Variants in TCF4 observed in about 807,000 individuals in gnomAD.
The protein encoded by TCF4 is transcription factor 4.
Under a neutral mutation model 82.1 loss-of-function variants are expected in TCF4, and 3 were observed. The ratio of observed to expected loss-of-function variants is 0.04; its 90% CI spans 0.02 to 0.09. The LOEUF (loss-of-function observed/expected upper bound fraction) is 0.09. TCF4 is among the 10% of genes least tolerant of loss of function. The pLI, the probability that TCF4 is intolerant of heterozygous loss-of-function variation, is 1.00. For synonymous variants in TCF4, 276 were observed against 309.6 expected (o/e 0.89, Z 1.14); for missense variants, 518 against 852.7 (o/e 0.61, Z 4.89).
At chr18:55,579,719 C>T (rs1210694786) in intron 3 of TCF4, among the ~76,000 whole-genome samples, 1 of 151,920 alleles carries the variant, frequency 6.6e-6, no homozygotes, top group African/African-American at 2.4e-5. Flanking sequence ...AATCACAGGC[C>T]TGGGGCCACC....
chr18:55,470,443 T>A (rs769156100), intron 3 of TCF4, among the ~76,000 whole-genome samples: 18 of 152,208 alleles, frequency 1.2e-4, no homozygotes, highest in Non-Finnish European at 2.4e-4. Flanking sequence ...TCAGTAAGCA[T>A]TAGATTTATT....
chr18:55,585,690 G>T, intron 2 of TCF4: 1 of 974,356 alleles, frequency 1.0e-6, no homozygotes, highest in Non-Finnish European at 1.3e-6. Context: ...TCACCAAGGA[G>T]AAGAAAAAAG....
chr18:55,596,829 TA>T (rs35096415), intron 2 of TCF4, among the ~76,000 whole-genome samples: 37 of 149,132 alleles, frequency 2.5e-4, no homozygotes, highest in South Asian at 8.6e-4. Flanking sequence ...TAGGTTATCA[TA>T]AAAAAAAAAG....
intron 15 of TCF4, among the ~76,000 whole-genome samples, chr18:55,238,151 T>C (rs780445420): frequency 1.3e-5 from 2 of 152,228 alleles, no homozygotes; most frequent in Non-Finnish European, 2.9e-5. Flanking sequence ...TGACATTTCG[T>C]CCCTATTTTT....
chr18:55,625,722 G>A (rs1330846910), intron 2 of TCF4, among the ~76,000 whole-genome samples: 1 of 152,030 alleles, frequency 6.6e-6, no homozygotes, highest in African/African-American at 2.4e-5. Flanking sequence ...CTTTTGTTTT[G>A]CTATCATTGT....
At chr18:55,347,130 G>C (rs150222706) in intron 8 of TCF4, among the ~76,000 whole-genome samples, 3,642 of 152,202 alleles carry the variant, frequency 0.024, 68 homozygotes, top group Non-Finnish European at 0.035. Context: ...GTAGATTCAA[G>C]AGCTTAGACA....
At chr18:55,402,274 A>G in intron 6 of TCF4, 1 of 970,276 alleles carries the variant, frequency 1.0e-6, no homozygotes, top group Non-Finnish European at 1.2e-6. Flanking sequence ...GAAAAAACAA[A>G]CACACCAACC....
chr18:55,337,075 C>T (rs1426184264), intron 8 of TCF4, among the ~76,000 whole-genome samples: 1 of 151,996 alleles, frequency 6.6e-6, no homozygotes, highest in Non-Finnish European at 1.5e-5. Context: ...TCCCCAGAAC[C>T]TGTTGCATTA....
intron 3 of TCF4, among the ~76,000 whole-genome samples, chr18:55,471,958 A>ATAG (rs2096193673): frequency 6.6e-6 from 1 of 152,170 alleles, no homozygotes; most frequent in African/African-American, 2.4e-5. Context: ...AAGGGTAGAT[A>ATAG]TGCTGGTGAG....
At chr18:55,588,515 T>C (rs1048130939), upstream of TCF4, 5 of 1,534,650 alleles carry the variant, frequency 3.3e-6, no homozygotes, top group Non-Finnish European at 4.4e-6. Context: ...GCCTGAACAG[T>C]TCAGTTTTTG....
intron 3 of TCF4, chr18:55,495,487 A>C (rs2096624910): frequency 6.6e-6 from 1 of 152,166 alleles, no homozygotes; most frequent in African/African-American, 2.4e-5. Context: ...TAATTATGAG[A>C]GTTGTTCAGC....
chr18:55,391,527 G>A (rs1347360348), intron 6 of TCF4, among the ~76,000 whole-genome samples: 1 of 151,994 alleles, frequency 6.6e-6, no homozygotes, highest in Non-Finnish European at 1.5e-5. Flanking sequence ...CCAGCAGTGG[G>A]GCACAAAATA....
rs1046180248 is a variant in TCF4 at position 55,426,114 on chromosome 18, TATATAC to T, written c.305-22602_305-22597del. On this transcript the variant is annotated intron_variant, in intron 5 of 19. Transcript: ENST00000354452. ...ACAAAAAATTTTATATATATATATA[TATATAC>T]ACACACACACACACATATATTTTCA... Among the ~76,000 whole-genome samples the T allele has an allele frequency of 4.1e-4, 54 of 130,744 alleles. 1 individual carries two copies. The highest frequency in any genetic ancestry group is 1.1e-3 in the African/African-American group (40 of 36,012). The allele number at this position is 130,744 out of a possible 152,430, so 85.8% of individuals were successfully genotyped here.
intron 8 of TCF4, 149 bp downstream of exon 8, chr18:55,350,210 T>C: frequency 1.3e-6 from 1 of 785,296 alleles, no homozygotes; most frequent in East Asian, 2.7e-5. Flanking sequence ...GTCAGGTGGC[T>C]GGATGTGCAG....
At chr18:55,624,080 G>A (rs974419453) in intron 2 of TCF4, among the ~76,000 whole-genome samples, 2 of 152,162 alleles carry the variant, frequency 1.3e-5, no homozygotes, top group African/African-American at 2.4e-5. Flanking sequence ...CTTTCATCAG[G>A]TAACTTAGAC....
At chr18:55,351,885 A>G in intron 6 of TCF4, 3 of 885,264 alleles carry the variant, frequency 3.4e-6, no homozygotes, top group Non-Finnish European at 4.1e-6. Flanking sequence ...AGTAGATAGT[A>G]CCATTTATAT....
At chr18:55,322,442 A>G (rs1411198928) in intron 8 of TCF4, 1 of 1,008,462 alleles carries the variant, frequency 9.9e-7, no homozygotes, top group Non-Finnish European at 1.2e-6. Flanking sequence ...AAAAAAAAAA[A>G]AAAAAAAACA....
At chr18:55,296,941 A>T (rs1601765171) in intron 8 of TCF4, among the ~76,000 whole-genome samples, 1 of 152,230 alleles carries the variant, frequency 6.6e-6, no homozygotes, top group African/African-American at 2.4e-5. Flanking sequence ...GTGTTTGTTC[A>T]ATGTCTCATA....
chr18:55,557,457 T>C (rs748444930), intron 3 of TCF4, among the ~76,000 whole-genome samples: 1 of 152,086 alleles, frequency 6.6e-6, no homozygotes, highest in Non-Finnish European at 1.5e-5. Context: ...AAATTACTGA[T>C]AGGAATGGAA....
Sources: gnomAD v4.1 joint callset for allele counts (sites outside exome capture counted in the v4.1 genomes callset) on GRCh38, gnomAD v4.1.1 for gene constraint, MANE v1.5 for transcripts, NCBI Gene and HGNC (gene_info 2026-07-23, HGNC 2026-07-21) for gene names.